RORA: variants seen among roughly 807,000 people sequenced by gnomAD.
RORA encodes nuclear receptor ROR-alpha.
Under a neutral mutation model 69.5 loss-of-function variants are expected in RORA, and 7 were observed. The ratio of observed to expected loss-of-function variants is 0.10; its 90% CI spans 0.06 to 0.19. The LOEUF (loss-of-function observed/expected upper bound fraction) is 0.19. Among genes scored for constraint, RORA ranks in the 10% least tolerant of loss-of-function variants. RORA has a pLI of 1.00. For missense variants in RORA, 457 were observed against 663.0 expected (o/e 0.69, Z 3.41); for synonymous variants, 261 against 240.8 (o/e 1.08, Z -0.78).
intron 2 of RORA, among the ~76,000 whole-genome samples, chr15:60,557,706 T>G (rs1354591578): frequency 6.6e-6 from 1 of 152,226 alleles, no homozygotes; most frequent in Non-Finnish European, 1.5e-5. Flanking sequence ...AAGAATATAA[T>G]GAAGTAAACC....
chr15:60,558,420 A>G (rs933395627), intron 2 of RORA: 6 of 624,558 alleles, frequency 9.6e-6, no homozygotes, highest in Non-Finnish European at 1.4e-5. Context: ...TGTGTGTACC[A>G]TAATTTAATA....
intron 1 of RORA, among the ~76,000 whole-genome samples, chr15:61,134,426 G>A (rs2079218312): frequency 6.6e-6 from 1 of 152,164 alleles, no homozygotes; most frequent in South Asian, 2.1e-4. Context: ...TCATTTACAA[G>A]GCCAGAGGTT....
chr15:60,670,532 C>T (rs1188658854), intron 2 of RORA, among the ~76,000 whole-genome samples: 1 of 152,042 alleles, frequency 6.6e-6, no homozygotes, highest in Non-Finnish European at 1.5e-5. Flanking sequence ...GCCTTCTAAT[C>T]AGTATCCTTG....
intron 1 of RORA, among the ~76,000 whole-genome samples, chr15:61,190,416 A>G (rs2079786515): frequency 6.6e-6 from 1 of 152,252 alleles, no homozygotes; most frequent in South Asian, 2.1e-4. Flanking sequence ...TTTAAATATC[A>G]GAAGATGCTT....
intron 1 of RORA, among the ~76,000 whole-genome samples, chr15:61,119,429 TAC>T (rs1566998101): frequency 1.3e-5 from 2 of 149,836 alleles, no homozygotes; most frequent in Non-Finnish European, 3.0e-5. Context: ...TATATATATA[TAC>T]ACACACACAA....
chr15:60,856,490 CT>C (rs34150883), intron 1 of RORA, among the ~76,000 whole-genome samples: 37,663 of 148,682 alleles, frequency 0.25, 4,871 homozygotes, highest in Non-Finnish European at 0.28. Context: ...AATCACTGAC[CT>C]TTTTTTTTTT....
chr15:60,973,668 G>A (rs930575075), intron 1 of RORA, among the ~76,000 whole-genome samples: 3 of 152,168 alleles, frequency 2.0e-5, no homozygotes, highest in Non-Finnish European at 4.4e-5. Flanking sequence ...TTGCCCTCAC[G>A]ACCCTTGTAG....
intron 1 of RORA, among the ~76,000 whole-genome samples, chr15:60,910,788 A>G (rs1891684077): frequency 6.6e-6 from 1 of 152,032 alleles, no homozygotes; most frequent in Non-Finnish European, 1.5e-5. Context: ...AACTAATTGA[A>G]TTCATCCCCA....
chr15:60,699,781 C>A (rs1194230573), intron 1 of RORA, among the ~76,000 whole-genome samples: 1 of 151,906 alleles, frequency 6.6e-6, no homozygotes, highest in Non-Finnish European at 1.5e-5. Flanking sequence ...TTTTTGCCTG[C>A]CACAATAACT....
chr15:61,226,128 C>T lies in RORA; in HGVS notation c.166+2925G>A, dbSNP rs555520914. 2.0e-5 allele frequency among the ~76,000 whole-genome samples: 3 copies of T among 152,180 alleles called. No homozygotes were observed. The highest frequency in any genetic ancestry group is 2.9e-5 in the Non-Finnish European group (2 of 68,026). ...GAATTCAACAGTAGCCTCAAGTCTACCTAGGTAATGTCTCATGAGGTCACT... is the reference window on the plus strand; with the variant it reads ...GAATTCAACAGTAGCCTCAAGTCTATCTAGGTAATGTCTCATGAGGTCACT... On this transcript the variant is annotated intron_variant, in intron 1 of 10. Coordinates refer to ENST00000335670, the MANE Select transcript of RORA (RefSeq NM_134261.3). The surrounding 1 kb of genome is among the most constrained non-coding windows in gnomAD (Gnocchi z 4.2).
chr15:60,566,407 G>A (rs1362203128), intron 2 of RORA, among the ~76,000 whole-genome samples: 1 of 152,136 alleles, frequency 6.6e-6, no homozygotes, highest in African/African-American at 2.4e-5. Context: ...CATAGGCAGG[G>A]AAGAGGGAAA....
chr15:60,685,318 CT>C (rs1465699645), intron 1 of RORA, among the ~76,000 whole-genome samples: 41 of 152,186 alleles, frequency 2.7e-4, no homozygotes, highest in African/African-American at 9.9e-4. Context: ...TTTTGACTTC[CT>C]CATTGTGAGG....
At chr15:60,845,666 G>A (rs181005330) in intron 1 of RORA, among the ~76,000 whole-genome samples, 1 of 152,344 alleles carries the variant, frequency 6.6e-6, no homozygotes, top group Admixed American at 6.5e-5. Flanking sequence ...CCATCTTCTA[G>A]TTGAGTTTGC....
intron 1 of RORA, among the ~76,000 whole-genome samples, chr15:61,003,190 C>T (rs1222893395): frequency 6.6e-6 from 1 of 151,618 alleles, no homozygotes; most frequent in African/African-American, 2.4e-5. Context: ...AACCAACATT[C>T]TGTATCAATC....
chr15:60,875,193 A>G (rs535825947), intron 1 of RORA, among the ~76,000 whole-genome samples: 8 of 152,314 alleles, frequency 5.3e-5, no homozygotes, highest in Non-Finnish European at 8.8e-5. Flanking sequence ...CTGTATTCCC[A>G]GCACCTAGAA....
At chr15:61,056,449 A>C (rs987524420) in intron 1 of RORA, among the ~76,000 whole-genome samples, 1 of 152,216 alleles carries the variant, frequency 6.6e-6, no homozygotes, top group Non-Finnish European at 1.5e-5. Context: ...AAAGTAAAAA[A>C]GGGGAGAAAC....
At chr15:61,039,493 A>T (rs1291004053) in intron 1 of RORA, among the ~76,000 whole-genome samples, 1 of 151,972 alleles carries the variant, frequency 6.6e-6, no homozygotes, top group Non-Finnish European at 1.5e-5. Flanking sequence ...AGGCAGGCAG[A>T]TCACGAGGTC....
chr15:60,800,509 G>A (rs919809804), intron 1 of RORA, among the ~76,000 whole-genome samples: 4 of 152,182 alleles, frequency 2.6e-5, no homozygotes, highest in African/African-American at 4.8e-5. Context: ...ATTTCACATC[G>A]TTTCTTCCTT....
intron 2 of RORA, among the ~76,000 whole-genome samples, chr15:60,651,603 C>T (rs1011416724): frequency 1.3e-5 from 2 of 152,178 alleles, no homozygotes; most frequent in African/African-American, 4.8e-5. Context: ...AGCTACATCC[C>T]TTTACCCAAC....
Sources: gnomAD v4.1 joint callset for allele counts (sites outside exome capture counted in the v4.1 genomes callset) on GRCh38, gnomAD v4.1.1 for gene constraint, Gnocchi (gnomAD v3.1) non-coding constraint, MANE v1.5 for transcripts, NCBI Gene and HGNC (gene_info 2026-07-23, HGNC 2026-07-21) for gene names.